SLC4A5: variants seen among roughly 807,000 people sequenced by gnomAD.
SLC4A5 encodes electrogenic sodium bicarbonate cotransporter 4.
Under a neutral mutation model 120.4 loss-of-function variants are expected in SLC4A5, and 96 were observed. The observed-to-expected ratio is 0.80, with a 90% CI of 0.68 to 0.94. SLC4A5 has a LOEUF of 0.94. Ranked by LOEUF, SLC4A5 falls within the 40% of genes least tolerant of loss-of-function variation. SLC4A5 has a pLI of 0.00. For synonymous variants in SLC4A5, 550 were observed against 571.1 expected, an observed-to-expected ratio of 0.96 and a Z score of 0.53; for missense variants, 1,259 against 1,459.5, an observed-to-expected ratio of 0.86 and a Z score of 2.24.
At chr2:74,322,755 C>T (rs965414268) in intron 5 of SLC4A5, among the ~76,000 whole-genome samples, 1 of 152,074 alleles carries the variant, frequency 6.6e-6, no homozygotes, top group African/African-American at 2.4e-5. Context: ...GTCAACTGAG[C>T]ACTCTGCACA....
At chr2:74,304,417 C>T in intron 7 of SLC4A5, 72 bp downstream of exon 7, 1 of 1,439,488 alleles carries the variant, frequency 6.9e-7, no homozygotes, top group Non-Finnish European at 9.3e-7. Flanking sequence ...GAAAATCCCC[C>T]CTGCCCTGCT....
intron 12 of SLC4A5, among the ~76,000 whole-genome samples, chr2:74,256,824 C>T (rs1425159125): frequency 6.6e-6 from 1 of 152,146 alleles, no homozygotes; most frequent in African/African-American, 2.4e-5. Flanking sequence ...AGACAAGAGA[C>T]AGAGATAATT....
At position 74,259,190 on chromosome 2, in the gene SLC4A5, C is replaced by T. The variant is rs1671059136; in HGVS notation, c.867+398G>A. Among the ~76,000 whole-genome samples, 5 of 152,286 alleles carry T rather than the reference C, an allele frequency of 3.3e-5. 1 individual carries two copies. The highest frequency in any genetic ancestry group is 3.4e-3 in the Middle Eastern group (1 of 294). ...CAGTCTAATTAACTACCACTGTTCTCGCCACAGGGAGATTCTTTTCTGTCT... is the reference window on the plus strand; with the variant it reads ...CAGTCTAATTAACTACCACTGTTCTTGCCACAGGGAGATTCTTTTCTGTCT... On this transcript the variant is annotated intron_variant, in intron 12 of 30. Coordinates refer to ENST00000394019, the Ensembl canonical transcript of SLC4A5.
chr2:74,227,287 C>T (rs1694879697), intron 26 of SLC4A5, among the ~76,000 whole-genome samples, 157 bp from the exon 27 acceptor site: 4 of 152,040 alleles, frequency 2.6e-5, no homozygotes, highest in South Asian at 2.1e-4. Flanking sequence ...GGTGTCTAGG[C>T]GGATGCATAA....
intron 26 of SLC4A5, chr2:74,227,552 C>T (rs1023726922): frequency 1.9e-6 from 3 of 1,611,656 alleles, no homozygotes; most frequent in South Asian, 1.1e-5. Context: ...AATTCTGACC[C>T]TCCGGTCCCC....
chr2:74,299,707 A>G (rs1672423134), intron 7 of SLC4A5, among the ~76,000 whole-genome samples: 1 of 152,266 alleles, frequency 6.6e-6, no homozygotes, highest in Admixed American at 6.5e-5. Context: ...GGCTACAAAA[A>G]GCAAAAGATA....
chr2:74,283,881 A>C (rs1671892556), intron 8 of SLC4A5, among the ~76,000 whole-genome samples: 1 of 143,410 alleles, frequency 7.0e-6, no homozygotes, highest in Non-Finnish European at 1.5e-5. Flanking sequence ...TCTGTTGTCC[A>C]GGTTGGAGTG....
At chr2:74,270,714 T>C (rs571195672) in intron 8 of SLC4A5, among the ~76,000 whole-genome samples, 1 of 152,274 alleles carries the variant, frequency 6.6e-6, no homozygotes, top group South Asian at 2.1e-4. Flanking sequence ...CCTGGATGGT[T>C]ACCCCACCAG....
At chr2:74,221,391 G>C in intron 30 of SLC4A5, 43 bp downstream of exon 30, 1 of 1,459,740 alleles carries the variant, frequency 6.9e-7, no homozygotes, top group South Asian at 1.2e-5. Flanking sequence ...CCATTTCCTA[G>C]TCTCTTACCT....
intron 6 of SLC4A5, chr2:74,307,409 C>T (rs1370522539): frequency 3.1e-6 from 2 of 641,350 alleles, no homozygotes; most frequent in Non-Finnish European, 5.8e-6. Flanking sequence ...GAGCCTCGAT[C>T]TCTGTCTCCA....
At chr2:74,241,873 C>T in intron 20 of SLC4A5, 121 bp downstream of exon 20, 1 of 769,512 alleles carries the variant, frequency 1.3e-6, no homozygotes, top group Admixed American at 2.2e-5. Flanking sequence ...CCCTGACGTG[C>T]AGCTGGAGTT....
At chr2:74,315,806 G>GA (rs2104300679) in intron 5 of SLC4A5, among the ~76,000 whole-genome samples, 1 of 151,244 alleles carries the variant, frequency 6.6e-6, no homozygotes, top group Non-Finnish European at 1.5e-5. Context: ...CTACGAAAAA[G>GA]AAAAAACAAA....
intron 7 of SLC4A5, among the ~76,000 whole-genome samples, chr2:74,304,131 G>C (rs1029677991): frequency 2.0e-5 from 3 of 152,150 alleles, no homozygotes; most frequent in African/African-American, 7.2e-5. Context: ...TTACAGGCGT[G>C]AGCCACCGCG....
At chr2:74,330,134 GTAGATGGAGGTGGTGATATC>G (rs1025055684) in intron 4 of SLC4A5, among the ~76,000 whole-genome samples, 13 of 148,694 alleles carry the variant, frequency 8.7e-5, no homozygotes, top group African/African-American at 2.7e-4. Context: ...GTCGTGAGGT[GTAGATGGAGGTGGTGATATC>G]TAGATGGAGG....
chr2:74,340,391 C>T (rs758412229), intron 2 of SLC4A5, among the ~76,000 whole-genome samples: 1 of 152,172 alleles, frequency 6.6e-6, no homozygotes, highest in Non-Finnish European at 1.5e-5. Flanking sequence ...GCCTGCTCTG[C>T]TTTGCTGGCT....
intron 5 of SLC4A5, 123 bp downstream of exon 5, chr2:74,327,997 A>C: frequency 1.6e-5 from 6 of 373,518 alleles, no homozygotes; most frequent in Non-Finnish European, 2.2e-5. Flanking sequence ...CTTTCCTGGT[A>C]TTCTCCTCTT....
Position 74,271,747 on chromosome 2 carries a change from T to A in SLC4A5, c.402-6483A>T, listed in dbSNP as rs192408584. On this transcript the variant is annotated intron_variant, in intron 8 of 30. Coordinates refer to ENST00000394019, the Ensembl canonical transcript of SLC4A5. ...CTGATCACTTTGGGTGAGATCTCGC[T>A]ATGAGGAAATGACTGGGGAAAAAAA... 7.9e-5 allele frequency among the ~76,000 whole-genome samples: 12 copies of A among 151,408 alleles called. No individual in the cohort carries two copies. The East Asian group carries it at 2.3e-3, about 30-fold the overall frequency.
intron 5 of SLC4A5, among the ~76,000 whole-genome samples, chr2:74,316,937 A>T (rs1275091510): frequency 6.6e-6 from 1 of 152,236 alleles, no homozygotes; most frequent in African/African-American, 2.4e-5. Flanking sequence ...CTTCTAACGT[A>T]TAATGCCTAA....
At chr2:74,233,300 T>C in intron 23 of SLC4A5, 102 bp downstream of exon 23, 1 of 1,387,484 alleles carries the variant, frequency 7.2e-7, no homozygotes, top group Non-Finnish European at 1.0e-6. Flanking sequence ...CCTCATATTT[T>C]CCTGGCCCAA....
Sources: gnomAD v4.1 joint callset for allele counts (sites outside exome capture counted in the v4.1 genomes callset) on GRCh38, gnomAD v4.1.1 for gene constraint, MANE v1.5 for transcripts, NCBI Gene and HGNC (gene_info 2026-07-23, HGNC 2026-07-21) for gene names.